The following ZNF385D variants were observed in gnomAD, a reference collection of about 807,000 sequenced individuals.
ZNF385D encodes the protein zinc finger protein 385D.
A neutral mutation model predicts 35.8 loss-of-function variants in ZNF385D; 15 were observed. The observed-to-expected ratio is 0.42, with a 90% CI of 0.28 to 0.64. ZNF385D has a LOEUF of 0.64. Among genes scored for constraint, ZNF385D ranks in the 30% least tolerant of loss-of-function variants. The pLI is 0.23. For synonymous variants in ZNF385D, 212 were observed against 186.8 expected (o/e 1.13, Z -1.10); for missense variants, 474 against 494.6 (o/e 0.96, Z 0.39).
chr3:22,285,680 C>T (rs539996302), intron 2 of ZNF385D, among the ~76,000 whole-genome samples: 12 of 152,090 alleles, frequency 7.9e-5, no homozygotes, highest in Non-Finnish European at 1.5e-5. Context: ...TCTCCCTCCC[C>T]CCTCTCCCCA....
intron 3 of ZNF385D, among the ~76,000 whole-genome samples, chr3:21,804,153 A>G (rs1355182648): frequency 6.6e-6 from 1 of 152,240 alleles, no homozygotes; most frequent in African/African-American, 2.4e-5. Context: ...TTTATCCACA[A>G]GAAAACTATT....
intron 3 of ZNF385D, among the ~76,000 whole-genome samples, chr3:22,086,698 G>C (rs1047533385): frequency 2.0e-5 from 3 of 152,086 alleles, no homozygotes; most frequent in Non-Finnish European, 4.4e-5. Context: ...GTCCATCAAT[G>C]ATAGACTGGA....
chr3:22,359,186 G>A (rs1169083657), intron 2 of ZNF385D, among the ~76,000 whole-genome samples: 1 of 151,562 alleles, frequency 6.6e-6, no homozygotes, highest in East Asian at 1.9e-4. Context: ...TAACATCTCA[G>A]TGGTCATTTT....
intron 3 of ZNF385D, among the ~76,000 whole-genome samples, chr3:22,135,323 C>A (rs1408452568): frequency 1.5e-5 from 2 of 136,792 alleles, no homozygotes; most frequent in Non-Finnish European, 3.0e-5. Flanking sequence ...CATACCCCAA[C>A]ATACACACAT....
chr3:22,340,502 T>C (rs1444024914), intron 2 of ZNF385D, among the ~76,000 whole-genome samples: 1 of 152,024 alleles, frequency 6.6e-6, no homozygotes, highest in Non-Finnish European at 1.5e-5. Context: ...AAAAATTATC[T>C]GGGTGATGTG....
intron 2 of ZNF385D, among the ~76,000 whole-genome samples, chr3:21,595,872 A>T (rs1205724278): frequency 6.6e-6 from 1 of 152,218 alleles, no homozygotes; most frequent in Admixed American, 6.5e-5. Flanking sequence ...GTCTAGAGTG[A>T]TCTTTCATGA....
At chr3:21,824,711 C>T (rs543749190) in intron 3 of ZNF385D, among the ~76,000 whole-genome samples, 5 of 152,012 alleles carry the variant, frequency 3.3e-5, no homozygotes, top group African/African-American at 1.2e-4. Context: ...TGATGGCATC[C>T]CCATCATACT....
chr3:22,350,766 G>A lies in ZNF385D; in HGVS notation c.106+21684C>T, dbSNP rs185252576. On this transcript the variant is annotated intron_variant, in intron 2 of 5. Transcript: ENST00000494108. The stretch of plus-strand genomic sequence containing the variant: ...TCTTGACAGAGTGCTCCTTTTGAAT[G>A]TGTAAAAGACATTCTTCTGTGGCAC... Among the ~76,000 whole-genome samples, 4 of 152,052 alleles carry A rather than the reference G, an allele frequency of 2.6e-5. No individual in the cohort carries two copies. The East Asian group carries it at 7.7e-4, about 29-fold the overall frequency.
At chr3:21,806,206 C>CTT (rs2072637846) in intron 3 of ZNF385D, among the ~76,000 whole-genome samples, 4 of 146,298 alleles carry the variant, frequency 2.7e-5, no homozygotes, top group African/African-American at 1.0e-4. Context: ...TTTTAAATTT[C>CTT]TTATTTTTTT....
intron 4 of ZNF385D, among the ~76,000 whole-genome samples, chr3:21,478,798 C>T (rs576954635): frequency 6.6e-6 from 1 of 152,026 alleles, no homozygotes; most frequent in African/African-American, 2.4e-5. Flanking sequence ...AAACACCATC[C>T]CCAGTAACAC....
At chr3:21,475,247 T>C (rs68127599) in intron 4 of ZNF385D, among the ~76,000 whole-genome samples, 20,538 of 152,074 alleles carry the variant, frequency 0.14, 1,665 homozygotes, top group East Asian at 0.19. Context: ...CAATTACCTT[T>C]GCACCAACCT....
chr3:22,102,492 A>G lies in ZNF385D; in HGVS notation c.325+66325T>C, dbSNP rs567246785. Among the ~76,000 whole-genome samples, 266 of 152,154 alleles carry G rather than the reference A, an allele frequency of 1.7e-3. 1 individual carries two copies. The highest frequency in any genetic ancestry group is 6.0e-3 in the African/African-American group (249 of 41,540). On this transcript the variant is annotated intron_variant, in intron 3 of 5. Coordinates refer to the ZNF385D transcript ENST00000494108. ...CCCGCAGTACTGAGTTTCATTGTAC[A>G]ATATTTTAACTCAAGATTTAATCTA...
At chr3:21,636,245 T>C (rs1180325803) in intron 2 of ZNF385D, among the ~76,000 whole-genome samples, 2 of 150,396 alleles carry the variant, frequency 1.3e-5, no homozygotes, top group East Asian at 2.0e-4. Context: ...TTTTTTATTA[T>C]GGACATTCCT....
chr3:21,528,543 A>G (rs2061838781), intron 3 of ZNF385D, among the ~76,000 whole-genome samples: 1 of 152,196 alleles, frequency 6.6e-6, no homozygotes, highest in Admixed American at 6.5e-5. Context: ...CCCATTAAAT[A>G]TATTAAAACA....
intron 2 of ZNF385D, among the ~76,000 whole-genome samples, chr3:22,372,031 C>T (rs1456811320): frequency 1.3e-5 from 2 of 152,188 alleles, no homozygotes; most frequent in Non-Finnish European, 2.9e-5. Flanking sequence ...AGGGAGCACG[C>T]CTCGCACACA....
intron 3 of ZNF385D, among the ~76,000 whole-genome samples, chr3:22,087,121 A>ATTCT (rs2125594223): frequency 6.6e-6 from 1 of 152,320 alleles, no homozygotes; most frequent in South Asian, 2.1e-4. Context: ...GTTAATTAGA[A>ATTCT]AAGTGTGTAA....
In ZNF385D at chr3:21,413,290, A is replaced by T. The variant is rs1700518600; in HGVS notation, c.*7924T>A. ...AACACATGGGCCATTAAGGTGGCACAAATTAGCATTCTGAGCGTTTTGGCT... is the reference window on the plus strand; with the variant it reads ...AACACATGGGCCATTAAGGTGGCACTAATTAGCATTCTGAGCGTTTTGGCT... On this transcript the variant is annotated 3_prime_UTR_variant, in exon 8 of 8. Transcript: ENST00000281523. 6.6e-6 allele frequency: 1 copy of T among 152,100 alleles called. No individual in the cohort carries two copies. The highest frequency in any genetic ancestry group is 1.5e-5 in the Non-Finnish European group (1 of 67,996). The allele number at this position is 152,100 out of a possible 1,614,324, so 9.4% of individuals were successfully genotyped here. A position where few individuals can be genotyped will look rare whatever the true frequency, so the allele number is the denominator to read the frequency against.
chr3:21,971,698 G>C (rs578041212), intron 3 of ZNF385D, among the ~76,000 whole-genome samples: 1 of 150,904 alleles, frequency 6.6e-6, no homozygotes, highest in African/African-American at 2.4e-5. Flanking sequence ...AAAAGACCCA[G>C]TGACCTGATG....
rs143349324 is a variant in ZNF385D, at chr3:22,140,010, A to G, written c.325+28807T>C. On this transcript the variant is annotated intron_variant, in intron 3 of 5. Transcript: ENST00000494108. ...TCTCACATATTGTTACTGGAAATAT[A>G]CAATGGTACAGCCACTTTGGATTCA... 8.3e-3 allele frequency among the ~76,000 whole-genome samples: 1,270 copies of G among 152,338 alleles called. 12 individuals carry two copies. Among genetic ancestry groups the G allele is most frequent in the South Asian group, 0.023 (110 of 4,830 alleles).
Sources: allele counts gnomAD v4.1 joint callset (sites outside exome capture counted in the v4.1 genomes callset), GRCh38; gene constraint gnomAD v4.1.1; transcripts MANE v1.5; gene names NCBI Gene and HGNC (gene_info 2026-07-23, HGNC 2026-07-21).